The following COL13A1 variants were observed in gnomAD, a reference collection of about 807,000 sequenced individuals.
COL13A1 encodes the protein collagen alpha-1(XIII) chain.
A neutral mutation model predicts 130.9 loss-of-function variants in COL13A1; 89 were observed. That is an observed-to-expected ratio of 0.68 (90% CI 0.57 to 0.81). The LOEUF (loss-of-function observed/expected upper bound fraction) is 0.81. Among genes scored for constraint, COL13A1 ranks in the 30% least tolerant of loss-of-function variants. The pLI is 0.00. For synonymous variants in COL13A1, 402 were observed against 341.6 expected (o/e 1.18, Z -1.95); for missense variants, 879 against 934.6 (o/e 0.94, Z 0.78).
intron 1 of COL13A1, among the ~76,000 whole-genome samples, chr10:69,818,443 G>A (rs1322038749): frequency 2.0e-5 from 3 of 152,222 alleles, no homozygotes; most frequent in Non-Finnish European, 1.5e-5. Context: ...GGGCACACAA[G>A]GCCTGGTTAT....
intron 33 of COL13A1, among the ~76,000 whole-genome samples, chr10:69,937,261 G>A (rs558436104): frequency 6.6e-6 from 1 of 152,216 alleles, no homozygotes; most frequent in African/African-American, 2.4e-5. Flanking sequence ...CTTCGGGGCA[G>A]TTTGTTCTCC....
intron 17 of COL13A1, among the ~76,000 whole-genome samples, chr10:69,911,443 G>C (rs556850559): frequency 7.2e-5 from 11 of 152,302 alleles, no homozygotes; most frequent in African/African-American, 1.9e-4. Flanking sequence ...AGCATACTGA[G>C]GTTCACAGAG....
intron 9 of COL13A1, 95 bp from the exon 10 acceptor site, chr10:69,889,318 GA>G (rs1211018149): frequency 4.6e-6 from 4 of 875,354 alleles, no homozygotes; most frequent in Non-Finnish European, 4.5e-6. Flanking sequence ...GGGGGGCAGG[GA>G]GGAGCACAGG....
rs138889397 is a variant in COL13A1, at chr10:69,944,499, T to C, written c.1968+321T>C. The stretch of plus-strand genomic sequence containing the variant: ...AGCGCAACCCAGACTCTACAAAAAA[T>C]TTTTTTAAAATTAGCCAGGCATGAT... On this transcript the variant is annotated intron_variant, in intron 36 of 40. Coordinates refer to ENST00000645393, the MANE Select transcript of COL13A1 (RefSeq NM_001368882.1). 6.7e-3 allele frequency among the ~76,000 whole-genome samples: 1,024 copies of C among 151,936 alleles called. 13 individuals carry two copies. Among genetic ancestry groups the C allele is most frequent in the African/African-American group, 0.023 (966 of 41,430 alleles).
Position 69,895,587 on chromosome 10 carries a change from C to T in COL13A1, c.684+11C>T. 1 of 1,613,846 alleles carries T rather than the reference C, an allele frequency of 6.2e-7. No homozygotes were observed. The highest frequency in any genetic ancestry group is 8.5e-7 in the Non-Finnish European group (1 of 1,179,826). ...GAGTACCCACACCGGGTAAGTGAACCCCTAAAATTTAGCAGGGCACTTTGA... is the reference window on the plus strand; with the variant it reads ...GAGTACCCACACCGGGTAAGTGAACTCCTAAAATTTAGCAGGGCACTTTGA... On this transcript the variant is annotated intron_variant, in intron 13 of 40. Transcript: ENST00000645393.
chr10:69,886,512 G>A (rs530841504), intron 7 of COL13A1, among the ~76,000 whole-genome samples: 9 of 152,338 alleles, frequency 5.9e-5, no homozygotes, highest in African/African-American at 1.9e-4. Context: ...CGGCGGGTGA[G>A]CCAGTGTGTC....
At chr10:69,940,803 T>C (rs949744185) in intron 34 of COL13A1, among the ~76,000 whole-genome samples, 185 bp from the exon 35 acceptor site, 1 of 152,224 alleles carries the variant, frequency 6.6e-6, no homozygotes, top group Non-Finnish European at 1.5e-5. Flanking sequence ...CATGTTTTCG[T>C]TGGTTTCCAT....
chr10:69,952,900 G>A lies in COL13A1; in HGVS notation c.2077G>A (p.Gly693Ser), dbSNP rs1321821832. The A allele has an allele frequency of 6.4e-7, 1 of 1,551,996 alleles. No homozygotes were observed. Among genetic ancestry groups the A allele is most frequent in the Non-Finnish European group, 8.6e-7 (1 of 1,158,450 alleles). The change falls in exon 39 of 41, where the codon GGC becomes AGC. Residue 693 changes from glycine to serine, a missense_variant. By Grantham distance (56) the Gly-to-Ser change is moderately conservative. Transcript: ENST00000645393. ...KGNRGERGKKGSRGPKGDKGD... is the reference protein window; with the variant it reads ...KGNRGERGKKSSRGPKGDKGD... ...TTTACAGGGGGAGAGGGGGAAGAAAGGCTCTAGAGGGCCTAAAGGGGATAA... is the reference window on the plus strand; with the variant it reads ...TTTACAGGGGGAGAGGGGGAAGAAAAGCTCTAGAGGGCCTAAAGGGGATAA...
chr10:69,882,545 C>T (rs1370957075), intron 7 of COL13A1, among the ~76,000 whole-genome samples: 1 of 152,244 alleles, frequency 6.6e-6, no homozygotes, highest in Non-Finnish European at 1.5e-5. Context: ...GTGAGGCAGG[C>T]CCCACCAGCC....
intron 2 of COL13A1, among the ~76,000 whole-genome samples, chr10:69,830,962 G>A (rs912992205): frequency 7.9e-5 from 12 of 152,140 alleles, no homozygotes; most frequent in Admixed American, 7.2e-4. Context: ...TATGGATTTA[G>A]CATAATGTTT....
Position 69,925,877 on chromosome 10 carries a change from G to T in COL13A1, c.1398+5G>T. 2 of 1,585,492 alleles carry T rather than the reference G, an allele frequency of 1.3e-6. No individual in the cohort carries two copies. The highest frequency in any genetic ancestry group is 1.7e-6 in the Non-Finnish European group (2 of 1,165,400). ...AACATCAATGAGGCTCTCCAGGTGAGCAGGGTCCAGCCCAGAGGCCAAGAT... is the reference window on the plus strand; with the variant it reads ...AACATCAATGAGGCTCTCCAGGTGATCAGGGTCCAGCCCAGAGGCCAAGAT... On this transcript the variant is annotated splice_donor_5th_base_variant and intron_variant, in intron 26 of 40. Coordinates refer to ENST00000645393, the MANE Select transcript of COL13A1 (RefSeq NM_001368882.1).
chr10:69,856,377 CTTCA>C (rs1303484511), intron 2 of COL13A1, among the ~76,000 whole-genome samples: 3 of 152,180 alleles, frequency 2.0e-5, no homozygotes, highest in African/African-American at 7.2e-5. Flanking sequence ...ACCTGGCCTA[CTTCA>C]TTTATTTATG....
intron 19 of COL13A1, 44 bp downstream of exon 19, chr10:69,918,361 G>C: frequency 1.2e-6 from 2 of 1,603,342 alleles, no homozygotes; most frequent in Non-Finnish European, 8.5e-7. Flanking sequence ...CAGGGTGGGA[G>C]AGAAGAGAGC....
intron 38 of COL13A1, among the ~76,000 whole-genome samples, chr10:69,949,940 G>GTGTGTGTGTGTGTT (rs1565160919): frequency 6.9e-5 from 10 of 144,086 alleles, no homozygotes; most frequent in South Asian, 2.3e-4. Context: ...TTGTGTGTGT[G>GTGTGTGTGTGTGTT]TGTGTGTGCG....
intron 6 of COL13A1, among the ~76,000 whole-genome samples, chr10:69,878,365 G>A (rs1182710038): frequency 6.6e-6 from 1 of 152,156 alleles, no homozygotes; most frequent in Non-Finnish European, 1.5e-5. Context: ...TGTGTAGCTG[G>A]AACTGCCCAG....
intron 24 of COL13A1, among the ~76,000 whole-genome samples, chr10:69,924,650 C>G (rs2065113142): frequency 6.6e-6 from 1 of 152,136 alleles, no homozygotes; most frequent in South Asian, 2.1e-4. Context: ...GCAAACGTCC[C>G]TGCTCCAATG....
chr10:69,955,748 C>G (rs1438331852), intron 39 of COL13A1: 1 of 152,246 alleles, frequency 6.6e-6, no homozygotes, highest in South Asian at 2.1e-4. Flanking sequence ...TGATTTGACT[C>G]TCCATGTAAA....
At position 69,947,315 on chromosome 10, in the gene COL13A1, T is replaced by A. The variant is rs757830252; in HGVS notation, c.2031T>A (p.His677Gln). 1 of 1,613,292 alleles carries A rather than the reference T, an allele frequency of 6.2e-7. No individual in the cohort carries two copies. The highest frequency in any genetic ancestry group is 1.7e-5 in the Admixed American group (1 of 59,954). The change falls in exon 38 of 41, where the codon CAT (histidine) becomes CAA (glutamine). Residue 677 changes from histidine to glutamine, a missense_variant. By Grantham distance (24) the His-to-Gln change is conservative (BLOSUM62 0). This residue lies in a region of COL13A1 where 68 missense variants were observed against 65.8 expected (regional missense o/e 1.03). Transcript: ENST00000645393. ...PTGAAGLPGL[H>Q]GPPGDKGNRG... ...CCTCTGATCTCTTGCAGGGTTTACA[T>A]GGACCACCCGGGGACAAGGGAAACC...
intron 2 of COL13A1, among the ~76,000 whole-genome samples, chr10:69,865,905 G>C (rs2058469394): frequency 1.3e-5 from 2 of 152,164 alleles, no homozygotes; most frequent in Non-Finnish European, 1.5e-5. Context: ...CCATTTACTA[G>C]CTGCATGGCC....
Sources: gnomAD v4.1 joint callset for allele counts (sites outside exome capture counted in the v4.1 genomes callset) on GRCh38, gnomAD v4.1.1 for gene constraint, gnomAD v4.1.1 regional missense constraint, MANE v1.5 for transcripts, NCBI Gene and HGNC (gene_info 2026-07-23, HGNC 2026-07-21) for gene names.